CACNA1I: variants seen among roughly 807,000 people sequenced by gnomAD.
The protein encoded by CACNA1I is voltage-dependent T-type calcium channel subunit alpha-1I.
CACNA1I carries 74 observed loss-of-function variants against 201.6 expected under a neutral mutation model. The observed-to-expected ratio is 0.37, with a 90% CI of 0.30 to 0.45. CACNA1I has a LOEUF of 0.45. CACNA1I is among the 20% of genes least tolerant of loss of function. CACNA1I has a pLI of 1.00. For missense variants in CACNA1I, 2,346 were observed against 3,138.1 expected, an observed-to-expected ratio of 0.75 and a Z score of 6.03; for synonymous variants, 1,431 against 1,345.2, an observed-to-expected ratio of 1.06 and a Z score of -1.40.
intron 6 of CACNA1I, among the ~76,000 whole-genome samples, chr22:39,641,752 C>T (rs1297994761): frequency 6.6e-6 from 1 of 152,240 alleles, no homozygotes; most frequent in Non-Finnish European, 1.5e-5. Context: ...CGTGGCCCCA[C>T]TGCACTGACT....
chr22:39,684,358 G>T lies in CACNA1I; in HGVS notation c.5887G>T (p.Glu1963Ter). 6.2e-7 allele frequency: 1 copy of T among 1,613,490 alleles called. No homozygotes were observed. Among genetic ancestry groups the T allele is most frequent in the Non-Finnish European group, 8.5e-7 (1 of 1,179,788 alleles). ...ASSPLLPMPAEFFHPAVSASQ... is the reference protein window; with the variant it reads ...ASSPLLPMPA The stretch of plus-strand genomic sequence containing the variant: ...CAGCCCTCTCCTGCCCATGCCAGCC[G>T]AGTTCTTCCACCCTGCAGTGTCTGC... The change falls in exon 36 of 37, where the codon GAG becomes TAG. Residue 1963 changes from glutamate to a stop codon, truncating the protein, a stop_gained. Coordinates refer to ENST00000402142, the MANE Select transcript of CACNA1I (RefSeq NM_021096.4). LOFTEE classifies it high-confidence loss of function. This position sits in a 1 kb window ranked among gnomAD's most constrained non-coding sequence, Gnocchi z 4.6.
rs538823777 is a variant in CACNA1I, at chr22:39,649,563, G to C, written c.1630G>C (p.Ala544Pro). Residue 544 changes from alanine (A) to proline (P), a missense_variant, in exon 10 of 37, where the codon GCC becomes CCC. Ala to Pro is a conservative substitution (Grantham distance 27). Transcript: ENST00000402142. This position sits in a 1 kb window ranked among gnomAD's most constrained non-coding sequence, Gnocchi z 7.3. ...CCACACCCTGGTGCAGCCCATCCCC[G>C]CCACGCTGGCTTCCGATCCCGCCAG... ...TPHTLVQPIP[A>P]TLASDPASCP... 1.3e-6 allele frequency: 2 copies of C among 1,550,630 alleles called. No homozygotes were observed. Among genetic ancestry groups the C allele is most frequent in the East Asian group, 4.9e-5 (2 of 41,132 alleles).
In CACNA1I at chr22:39,629,749, A is replaced by G. The variant is rs1384610835; in HGVS notation, c.581-4816A>G. On this transcript the variant is annotated intron_variant, in intron 4 of 36. Coordinates refer to ENST00000402142, the MANE Select transcript of CACNA1I (RefSeq NM_021096.4). The surrounding 1 kb of genome is among the most constrained non-coding windows in gnomAD (Gnocchi z 4.8). Reference sequence around the variant, plus strand: ...GGAGGCAGCGACCACACAGCTGTGGAGCCCACAGGCCTGACCCCCTTTCAG... The same window carrying G: ...GGAGGCAGCGACCACACAGCTGTGGGGCCCACAGGCCTGACCCCCTTTCAG... 6.6e-5 allele frequency among the ~76,000 whole-genome samples: 10 copies of G among 152,106 alleles called. No homozygotes were observed. Among genetic ancestry groups the G allele is most frequent in the African/African-American group, 2.4e-5 (1 of 41,418 alleles).
chr22:39,639,251 T>A (rs1293642272), intron 5 of CACNA1I, among the ~76,000 whole-genome samples: 1 of 152,246 alleles, frequency 6.6e-6, no homozygotes, highest in East Asian at 1.9e-4. Context: ...TACAGGCCAT[T>A]ACACAAAAAG....
intron 1 of CACNA1I, among the ~76,000 whole-genome samples, chr22:39,581,247 A>G (rs1296377045): frequency 2.0e-5 from 3 of 152,146 alleles, no homozygotes; most frequent in Non-Finnish European, 4.4e-5. Context: ...GGGATGGGGC[A>G]TGGCCTCCTG....
Position 39,641,035 on chromosome 22 carries a change from T to C in CACNA1I, c.909T>C (p.Phe303=). 1 of 1,614,044 alleles carries C rather than the reference T, an allele frequency of 6.2e-7. No homozygotes were observed. The highest frequency in any genetic ancestry group is 8.5e-7 in the Non-Finnish European group (1 of 1,179,906). ...TGTCCAAGGACGACGTCTACGACTT[T>C]GGGGCGGGGCGCCAGGACCTCAATG... The part of the protein sequence containing the change: ...CCLSKDDVYD[F]GAGRQDLNAS... Residue 303 remains phenylalanine, a synonymous_variant, in exon 6 of 37, where the codon TTT becomes TTC. Coordinates refer to ENST00000402142, the MANE Select transcript of CACNA1I (RefSeq NM_021096.4).
intron 29 of CACNA1I, among the ~76,000 whole-genome samples, chr22:39,675,351 G>A (rs560293578): frequency 2.0e-5 from 3 of 152,004 alleles, no homozygotes; most frequent in South Asian, 2.1e-4. Flanking sequence ...TGTGTGGCTC[G>A]GCCTCCCTGG....
chr22:39,665,030 C>A lies in CACNA1I; in HGVS notation c.3851+107C>A. The A allele has an allele frequency of 1.9e-6, 2 of 1,043,528 alleles. No individual in the cohort carries two copies. The highest frequency in any genetic ancestry group is 1.6e-5 in the African/African-American group (1 of 64,058). The allele number at this position is 1,043,528 out of a possible 1,614,324, so 64.6% of individuals were successfully genotyped here. A position where few individuals can be genotyped will look rare whatever the true frequency, so the allele number is the denominator to read the frequency against. Reference sequence around the variant, plus strand: ...GCCCTCCCCGCCCGCCCACTCGGTCCTCCAATAGTGAGTGCCAAACACCCT... The same window carrying A: ...GCCCTCCCCGCCCGCCCACTCGGTCATCCAATAGTGAGTGCCAAACACCCT... On this transcript the variant is annotated intron_variant, in intron 21 of 36. Coordinates refer to ENST00000402142, the MANE Select transcript of CACNA1I (RefSeq NM_021096.4). The surrounding 1 kb of genome is among the most constrained non-coding windows in gnomAD (Gnocchi z 5.5).
intron 6 of CACNA1I, 80 bp downstream of exon 6, chr22:39,641,262 T>C: frequency 8.0e-7 from 1 of 1,247,698 alleles, no homozygotes; most frequent in Non-Finnish European, 1.1e-6. Context: ...GTGCTAGGCA[T>C]TTGCCAGCCC....
chr22:39,618,955 C>A (rs1933644775), intron 3 of CACNA1I, among the ~76,000 whole-genome samples: 1 of 152,162 alleles, frequency 6.6e-6, no homozygotes, highest in Non-Finnish European at 1.5e-5. Flanking sequence ...ATGTTCCTCC[C>A]ACTTTCAGAG....
intron 10 of CACNA1I, among the ~76,000 whole-genome samples, chr22:39,657,217 T>G (rs916556689): frequency 6.6e-6 from 1 of 152,108 alleles, no homozygotes; most frequent in African/African-American, 2.4e-5. Context: ...ACAATGCCAT[T>G]TGCAGGATAT....
intron 1 of CACNA1I, among the ~76,000 whole-genome samples, chr22:39,576,319 G>A (rs1407079785): frequency 6.6e-6 from 1 of 152,228 alleles, no homozygotes; most frequent in Non-Finnish European, 1.5e-5. Flanking sequence ...ATAACCACCC[G>A]TGGGGATAGG....
intron 4 of CACNA1I, among the ~76,000 whole-genome samples, chr22:39,623,667 G>T (rs976326143): frequency 1.4e-5 from 2 of 148,106 alleles, no homozygotes; most frequent in African/African-American, 2.5e-5. Context: ...CTGCGAGGGG[G>T]TATGCCTGTG....
At chr22:39,668,651 G>A (rs1332984039) in intron 24 of CACNA1I, among the ~76,000 whole-genome samples, 1 of 152,198 alleles carries the variant, frequency 6.6e-6, no homozygotes, top group Non-Finnish European at 1.5e-5. Context: ...CTGGAAGGGT[G>A]CAGAGCCTGG....
At chr22:39,660,516 G>T in intron 15 of CACNA1I, 79 bp downstream of exon 15, 1 of 909,656 alleles carries the variant, frequency 1.1e-6, no homozygotes. Context: ...TACAGCGTCT[G>T]ACTCCACCTC....
At position 39,658,210 on chromosome 22, in the gene CACNA1I, C is replaced by T. The variant is rs751671524; in HGVS notation, c.2051C>T (p.Ala684Val). 1.9e-6 allele frequency: 3 copies of T among 1,613,990 alleles called. No homozygotes were observed. Among genetic ancestry groups the T allele is most frequent in the South Asian group, 2.2e-5 (2 of 91,082 alleles). ...ICNVVFTSMF[A>V]LEMILKLAAF... ...AATGTGGTCTTCACCAGCATGTTTG[C>T]CCTGGAGATGATCCTGAAGCTGGCT... Residue 684 changes from alanine (A) to valine (V), a missense_variant, in exon 11 of 37, where the codon GCC becomes GTC. This residue lies in a region of CACNA1I where 155 missense variants were observed against 300.8 expected (regional missense o/e 0.52). Transcript: ENST00000402142.
rs1935415353 is a variant in CACNA1I, at chr22:39,672,993, G to T, written c.4694G>T (p.Gly1565Val). Residue 1565 changes from glycine (G) to valine (V), a missense_variant, in exon 28 of 37, where the codon GGC (glycine) becomes GTC (valine). Physicochemically the swap from Gly to Val is moderately radical, Grantham distance 109. Around this residue, in one of 13 missense-constraint regions of CACNA1I, gnomAD observed 228 missense variants for 395.7 expected, o/e 0.58. Coordinates refer to ENST00000402142, the MANE Select transcript of CACNA1I (RefSeq NM_021096.4). Reference protein sequence around the residue: ...DLAIVLLSVMGITLEEIEINA... With the variant: ...DLAIVLLSVMVITLEEIEINA... ...GCCATTGTGCTACTGTCAGTCATGG[G>T]CATCACCCTGGAGGAGATCGAGATC... The T allele has an allele frequency of 6.2e-7, 1 of 1,613,708 alleles. No homozygotes were observed.
rs140484239 is a variant in CACNA1I, at chr22:39,659,964, C to G, written c.2604+112C>G. ...GCAATTCAAACTTCTAGCAGGCAAC[C>G]TATCCCTAAAGGAGGGGGTTGCTGA... On this transcript the variant is annotated intron_variant, in intron 14 of 36. Transcript: ENST00000402142. The surrounding 1 kb of genome is among the most constrained non-coding windows in gnomAD (Gnocchi z 4.3). 8.1e-6 allele frequency: 10 copies of G among 1,229,062 alleles called. No individual in the cohort carries two copies. The highest frequency in any genetic ancestry group is 2.0e-4 in the Middle Eastern group (1 of 4,970). The allele number at this position is 1,229,062 out of a possible 1,614,324, so 76.1% of individuals were successfully genotyped here. A position where few individuals can be genotyped will look rare whatever the true frequency, so the allele number is the denominator to read the frequency against.
At chr22:39,628,899 C>A (rs1305326267) in intron 4 of CACNA1I, among the ~76,000 whole-genome samples, 1 of 152,158 alleles carries the variant, frequency 6.6e-6, no homozygotes, top group East Asian at 1.9e-4. Flanking sequence ...CTGGCAATTT[C>A]TACTTGAGCT....
Sources: allele counts gnomAD v4.1 joint callset (sites outside exome capture counted in the v4.1 genomes callset), GRCh38; gene constraint gnomAD v4.1.1; regional missense constraint gnomAD v4.1.1; non-coding constraint Gnocchi (gnomAD v3.1); transcripts MANE v1.5; gene names NCBI Gene and HGNC (gene_info 2026-07-23, HGNC 2026-07-21).